HDAC4: variants seen among roughly 807,000 people sequenced by gnomAD.
The protein encoded by HDAC4 is histone deacetylase 4, also known as histone deacetylase A.
In HDAC4, 16 loss-of-function variants were observed where a neutral mutation model predicts 135.1. That is an observed-to-expected ratio of 0.12 (90% confidence interval 0.08 to 0.18). HDAC4 has a LOEUF of 0.18. Among genes scored for constraint, HDAC4 ranks in the 10% least tolerant of loss-of-function variants. The pLI is 1.00. For synonymous variants in HDAC4, 685 were observed against 653.4 expected, an observed-to-expected ratio of 1.05 and a Z score of -0.74; for missense variants, 1,143 against 1,511.8, an observed-to-expected ratio of 0.76 and a Z score of 4.05.
At chr2:239,134,920 T>G (rs1434047130) in intron 9 of HDAC4, among the ~76,000 whole-genome samples, 4 of 152,232 alleles carry the variant, frequency 2.6e-5, no homozygotes, top group Non-Finnish European at 5.9e-5. Flanking sequence ...AGTTTGATTA[T>G]TTACCACAGA....
At chr2:239,278,842 G>A (rs772456970) in intron 2 of HDAC4, among the ~76,000 whole-genome samples, 3 of 152,088 alleles carry the variant, frequency 2.0e-5, no homozygotes, top group Non-Finnish European at 2.9e-5. Context: ...CATTGGGGCC[G>A]GGGCCGGGAA....
At chr2:239,242,112 G>A (rs1381848718) in intron 2 of HDAC4, among the ~76,000 whole-genome samples, 4 of 144,792 alleles carry the variant, frequency 2.8e-5, no homozygotes, top group African/African-American at 1.0e-4. Flanking sequence ...GAGAAAAAAA[G>A]AAAGAAAGAA....
intron 2 of HDAC4, chr2:239,298,226 C>A: frequency 7.8e-7 from 1 of 1,289,530 alleles, no homozygotes; most frequent in Non-Finnish European, 1.0e-6. Flanking sequence ...ATTCCGGAAG[C>A]AGCCAGACCT....
intron 7 of HDAC4, among the ~76,000 whole-genome samples, chr2:239,156,035 G>C (rs2042402600): frequency 6.6e-6 from 1 of 152,240 alleles, no homozygotes; most frequent in Non-Finnish European, 1.5e-5. Context: ...GGTCCGTCCT[G>C]ACTTGCCAGA....
intron 6 of HDAC4, among the ~76,000 whole-genome samples, chr2:239,159,553 G>GC (rs1312208466): frequency 1.4e-5 from 2 of 138,060 alleles, no homozygotes; most frequent in African/African-American, 5.5e-5. Context: ...ACACACACCC[G>GC]CATCTCACAC....
At chr2:239,380,211 G>A (rs188337054) in intron 1 of HDAC4, among the ~76,000 whole-genome samples, 48 of 152,368 alleles carry the variant, frequency 3.2e-4, no homozygotes, top group African/African-American at 9.9e-4. Context: ...ATCCCACTGC[G>A]GAATGCGCGA....
intron 2 of HDAC4, chr2:239,298,731 G>A (rs1237086078): frequency 6.8e-6 from 3 of 440,044 alleles, no homozygotes; most frequent in Non-Finnish European, 9.1e-6. Context: ...GGCTAGAAAG[G>A]CATTTAATCA....
At chr2:239,143,271 C>A (rs1365328606) in intron 8 of HDAC4, among the ~76,000 whole-genome samples, 1 of 141,160 alleles carries the variant, frequency 7.1e-6, no homozygotes. Context: ...AAAAAAAAAA[C>A]AACAAAAAAA....
chr2:239,169,710 C>T (rs1329701768), intron 5 of HDAC4, among the ~76,000 whole-genome samples: 1 of 152,212 alleles, frequency 6.6e-6, no homozygotes, highest in Non-Finnish European at 1.5e-5. Flanking sequence ...CCGAGAGGGC[C>T]CGGATCTGCA....
chr2:239,131,739 G>A (rs1450219446), intron 11 of HDAC4, among the ~76,000 whole-genome samples: 1 of 152,220 alleles, frequency 6.6e-6, no homozygotes, highest in Non-Finnish European at 1.5e-5. Context: ...GCCCTGCCAG[G>A]ACCTTCTGTG....
chr2:239,266,037 G>T (rs1210792152), intron 2 of HDAC4, among the ~76,000 whole-genome samples: 1 of 152,170 alleles, frequency 6.6e-6, no homozygotes, highest in Middle Eastern at 3.2e-3. Flanking sequence ...ACAGGGAGGG[G>T]GACACAGAGC....
In HDAC4 at chr2:239,134,439, G is replaced by A. The variant is rs886043549; in HGVS notation, c.1100C>T (p.Thr367Met). The change falls in exon 11 of 27, where the codon ACG (threonine) becomes ATG (methionine). Residue 367 changes from threonine to methionine, a missense_variant. Around this residue, in one of 9 missense-constraint regions of HDAC4, gnomAD observed 272 missense variants for 309.7 expected, o/e 0.88. Transcript: ENST00000543185. Reference protein sequence around the residue: ...GLPATGPSAGTAGQQDAERLT... With the variant: ...GLPATGPSAGMAGQQDAERLT... ...TCTCTCGGCGTCCTGCTGGCCCGCC[G>A]TGCCCTGGAAAGCACAGCCAGGATG... 2.5e-6 allele frequency: 4 copies of A among 1,613,410 alleles called. No individual in the cohort carries two copies. Among genetic ancestry groups the A allele is most frequent in the South Asian group, 1.1e-5 (1 of 91,032 alleles).
At chr2:239,394,258 C>G (rs1207519217) in intron 1 of HDAC4, among the ~76,000 whole-genome samples, 1 of 152,224 alleles carries the variant, frequency 6.6e-6, no homozygotes, top group Non-Finnish European at 1.5e-5. Context: ...CAACAGTAAA[C>G]TCACAAAGCC....
At chr2:239,166,356 G>A (rs867535043) in intron 5 of HDAC4, among the ~76,000 whole-genome samples, 15 of 152,128 alleles carry the variant, frequency 9.9e-5, no homozygotes, top group African/African-American at 3.6e-4. Context: ...CAGGCTCAGG[G>A]CTCTCTGTCG....
chr2:239,294,881 G>C (rs1289096296), intron 2 of HDAC4, among the ~76,000 whole-genome samples: 1 of 152,196 alleles, frequency 6.6e-6, no homozygotes, highest in Non-Finnish European at 1.5e-5. Flanking sequence ...CAGAAGCTAG[G>C]CCTCTGCTCT....
chr2:239,128,081 G>C (rs1285445223), intron 11 of HDAC4, among the ~76,000 whole-genome samples: 1 of 152,188 alleles, frequency 6.6e-6, no homozygotes, highest in Non-Finnish European at 1.5e-5. Context: ...TTATTCACTA[G>C]TGTTCTCTAA....
At chr2:239,071,028 G>C (rs1019045945) in intron 22 of HDAC4, among the ~76,000 whole-genome samples, 21 of 151,930 alleles carry the variant, frequency 1.4e-4, no homozygotes, top group Non-Finnish European at 2.5e-4. Flanking sequence ...GGACTGGAAG[G>C]TGGATGCCTA....
chr2:239,229,029 C>T (rs2047397979), intron 3 of HDAC4, among the ~76,000 whole-genome samples: 1 of 152,110 alleles, frequency 6.6e-6, no homozygotes. Context: ...GTAATCCCAG[C>T]TATTCAGGAG....
rs970804560 is a variant in HDAC4 at position 239,352,619 on chromosome 2, T to C, written c.22+59A>G. 15 of 1,514,876 alleles carry C rather than the reference T, an allele frequency of 9.9e-6. No homozygotes were observed. In the East Asian group the frequency reaches 2.0e-4, roughly 20 times the overall value. The allele number at this position is 1,514,876 out of a possible 1,614,324, so 93.8% of individuals were successfully genotyped here. On this transcript the variant is annotated intron_variant, in intron 2 of 26. Transcript: ENST00000543185. The surrounding 1 kb of genome is among the most constrained non-coding windows in gnomAD (Gnocchi z 4.4). ...AAAGCAAGCTGCAGTCACAAGAACT[T>C]CTACTTTGGGCAAAGAAAGCCCCGC...
Sources: allele counts gnomAD v4.1 joint callset (sites outside exome capture counted in the v4.1 genomes callset), GRCh38; gene constraint gnomAD v4.1.1; regional missense constraint gnomAD v4.1.1; non-coding constraint Gnocchi (gnomAD v3.1); transcripts MANE v1.5; gene names NCBI Gene and HGNC (gene_info 2026-07-23, HGNC 2026-07-21).